GPR63: variants seen among roughly 807,000 people sequenced by gnomAD.
The protein encoded by GPR63 is G protein-coupled receptor 63.
In GPR63, 12 loss-of-function variants were observed where a neutral mutation model predicts 23.1. That is an observed-to-expected ratio of 0.52 (90% CI 0.33 to 0.84). The LOEUF (loss-of-function observed/expected upper bound fraction) is 0.84, where lower values mean the gene tolerates loss of function less well. Ranked by LOEUF, GPR63 falls within the 40% of genes least tolerant of loss-of-function variation. The pLI is 0.02. For synonymous variants in GPR63, 172 were observed against 191.1 expected (o/e 0.90, Z 0.82); for missense variants, 472 against 515.6 (o/e 0.92, Z 0.82).
intron 1 of GPR63, among the ~76,000 whole-genome samples, chr6:96,814,590 T>G (rs985359797): frequency 6.6e-6 from 1 of 152,214 alleles, no homozygotes; most frequent in African/African-American, 2.4e-5. Flanking sequence ...CCAAAGTTTC[T>G]GCTCTTTACA....
intron 1 of GPR63, among the ~76,000 whole-genome samples, chr6:96,830,090 A>G (rs774870451): frequency 6.6e-6 from 1 of 152,222 alleles, no homozygotes; most frequent in Non-Finnish European, 1.5e-5. Context: ...TATGTAATAA[A>G]AGGCCAAAAA....
chr6:96,798,856 A>T lies in GPR63; in HGVS notation c.876T>A (p.Gly292=). 6.2e-7 allele frequency: 1 copy of T among 1,614,068 alleles called. No homozygotes were observed. The change falls in exon 2 of 2, where the codon GGT becomes GGA. Residue 292 remains glycine (G), a synonymous_variant. Coordinates refer to ENST00000229955, the MANE Select transcript of GPR63 (RefSeq NM_030784.4). ...GICLSQASKL[G]LMSLQRPFQM... Reference sequence around the variant, plus strand: ...GGAAAGGTCTCTGCAGACTCATGAGACCCAGTTTGCTGGCCTGGCTGAGGC... The same window carrying T: ...GGAAAGGTCTCTGCAGACTCATGAGTCCCAGTTTGCTGGCCTGGCTGAGGC...
intron 1 of GPR63, among the ~76,000 whole-genome samples, chr6:96,802,369 G>A (rs973605277): frequency 1.3e-5 from 2 of 152,032 alleles, no homozygotes; most frequent in African/African-American, 2.4e-5. Flanking sequence ...GGAAAATGGT[G>A]AGCAAATAAA....
chr6:96,806,165 A>G (rs1178411343), intron 1 of GPR63, among the ~76,000 whole-genome samples: 1 of 152,204 alleles, frequency 6.6e-6, no homozygotes, highest in African/African-American at 2.4e-5. Context: ...CTATACAGTA[A>G]GTGGCAAATA....
chr6:96,808,841 T>C (rs534053406), intron 1 of GPR63, among the ~76,000 whole-genome samples: 5 of 152,126 alleles, frequency 3.3e-5, no homozygotes, highest in Non-Finnish European at 7.3e-5. Context: ...TAGTTACCTA[T>C]GTATACATGT....
At chr6:96,826,976 C>A (rs1160773878) in intron 1 of GPR63, among the ~76,000 whole-genome samples, 1 of 150,542 alleles carries the variant, frequency 6.6e-6, no homozygotes, top group East Asian at 2.0e-4. Context: ...TATTTCCCCT[C>A]TGGAGGAACT....
chr6:96,823,725 T>G (rs2127957307), intron 1 of GPR63, among the ~76,000 whole-genome samples: 1 of 152,238 alleles, frequency 6.6e-6, no homozygotes. Flanking sequence ...CAAGCTCCAT[T>G]CATGGTAAGT....
intron 1 of GPR63, among the ~76,000 whole-genome samples, chr6:96,826,872 T>C (rs904398047): frequency 1.3e-5 from 2 of 152,026 alleles, no homozygotes; most frequent in African/African-American, 4.8e-5. Flanking sequence ...AACCACAAGG[T>C]ACATTTTAAG....
intron 1 of GPR63, among the ~76,000 whole-genome samples, chr6:96,824,784 A>G (rs1433461507): frequency 2.0e-5 from 3 of 152,088 alleles, no homozygotes; most frequent in African/African-American, 7.2e-5. Flanking sequence ...TTTCCCACTG[A>G]TAGTGTCGTG....
intron 1 of GPR63, among the ~76,000 whole-genome samples, chr6:96,805,379 A>T (rs1265206188): frequency 6.6e-6 from 1 of 152,200 alleles, no homozygotes; most frequent in Non-Finnish European, 1.5e-5. Flanking sequence ...GCATCAAGGC[A>T]TTCATGAGGG....
intron 1 of GPR63, among the ~76,000 whole-genome samples, chr6:96,832,650 G>A (rs1406087600): frequency 2.0e-5 from 3 of 152,126 alleles, no homozygotes; most frequent in Admixed American, 6.5e-5. Context: ...TGGAGGGTAG[G>A]AGTAGGGACA....
chr6:96,804,505 G>A (rs923523263), intron 1 of GPR63, among the ~76,000 whole-genome samples: 1 of 151,970 alleles, frequency 6.6e-6, no homozygotes, highest in Non-Finnish European at 1.5e-5. Context: ...TGTTTTGTGG[G>A]ATCAATTTTT....
At chr6:96,804,867 T>C (rs1582251315) in intron 1 of GPR63, among the ~76,000 whole-genome samples, 1 of 152,216 alleles carries the variant, frequency 6.6e-6, no homozygotes, top group Non-Finnish European at 1.5e-5. Context: ...AATGTAGTTA[T>C]GTAAATAGTA....
rs1773639221 is a variant in GPR63 at position 96,798,127 on chromosome 6, A to C, written c.*345T>G. The stretch of plus-strand genomic sequence containing the variant: ...TAAACTCAAATAAGCATACCTTAGC[A>C]GCACACGAAACACCTACAATTCAAT... On this transcript the variant is annotated 3_prime_UTR_variant, in exon 2 of 2. Transcript: ENST00000229955. 5.0e-6 allele frequency: 1 copy of C among 200,030 alleles called. No individual in the cohort carries two copies. The highest frequency in any genetic ancestry group is 2.3e-5 in the African/African-American group (1 of 43,018). 12.4% of individuals were successfully genotyped at this position (200,030 alleles called of 1,614,324 possible).
intron 1 of GPR63, among the ~76,000 whole-genome samples, chr6:96,800,264 C>T (rs1773727867): frequency 6.6e-6 from 1 of 151,896 alleles, no homozygotes; most frequent in Non-Finnish European, 1.5e-5. Context: ...TTACCTGGTT[C>T]TCTTGAGCAC....
chr6:96,832,874 A>G (rs900416373), intron 1 of GPR63, among the ~76,000 whole-genome samples: 17 of 152,208 alleles, frequency 1.1e-4, no homozygotes, highest in African/African-American at 4.1e-4. Context: ...TCCCAATATC[A>G]CCAAACCTGT....
intron 1 of GPR63, among the ~76,000 whole-genome samples, chr6:96,829,182 C>T (rs1179598297): frequency 6.6e-6 from 1 of 152,140 alleles, no homozygotes; most frequent in Non-Finnish European, 1.5e-5. Context: ...CTAGAGAATA[C>T]ACATCGTTTT....
intron 1 of GPR63, among the ~76,000 whole-genome samples, chr6:96,836,086 T>C (rs1013213863): frequency 2.0e-5 from 3 of 152,008 alleles, no homozygotes; most frequent in Non-Finnish European, 4.4e-5. Flanking sequence ...CACCTTAGAT[T>C]TGTAGTTGGC....
rs1334935995 is a variant in GPR63 at position 96,798,232 on chromosome 6, A to C, written c.*240T>G. The C allele has an allele frequency of 1.2e-5, 5 of 432,920 alleles. No homozygotes were observed. Among genetic ancestry groups the C allele is most frequent in the African/African-American group, 2.0e-5 (1 of 50,590 alleles). 26.8% of individuals were successfully genotyped at this position (432,920 alleles called of 1,614,324 possible). The stretch of plus-strand genomic sequence containing the variant: ...AATCAAGGAAAAACCCCAAAACCAA[A>C]AAAAAGTCTCCTCACCCTAAATTGA... On this transcript the variant is annotated 3_prime_UTR_variant, in exon 2 of 2. Transcript: ENST00000229955.
Sources: allele counts gnomAD v4.1 joint callset (sites outside exome capture counted in the v4.1 genomes callset), GRCh38; gene constraint gnomAD v4.1.1; transcripts MANE v1.5; gene names NCBI Gene and HGNC (gene_info 2026-07-23, HGNC 2026-07-21).